Variants in FRMD6 observed in about 807,000 individuals in gnomAD.
FRMD6 encodes FERM domain containing 6, also known as FERM domain-containing protein 6.
A neutral mutation model predicts 73.2 loss-of-function variants in FRMD6; 37 were observed. The observed-to-expected ratio is 0.51, with a 90% CI of 0.39 to 0.66. The LOEUF (loss-of-function observed/expected upper bound fraction) is 0.66, where lower values mean the gene tolerates loss of function less well. Among genes scored for constraint, FRMD6 ranks in the 30% least tolerant of loss-of-function variants. The pLI, the probability that FRMD6 is intolerant of heterozygous loss-of-function variation, is 0.00. For missense variants in FRMD6, 714 were observed against 780.5 expected, an observed-to-expected ratio of 0.91 and a Z score of 1.02; for synonymous variants, 273 against 282.2, an observed-to-expected ratio of 0.97 and a Z score of 0.33.
the FRMD6 span, among the ~76,000 whole-genome samples, chr14:51,459,884 C>CTTTTTTTTTTTTTTTTTTTTTTTTTTT: frequency 1.3e-5 from 1 of 74,650 alleles, no homozygotes; most frequent in African/African-American, 5.8e-5. Context: ...TACTGACTCT[C>CTTTTTTTTTTTTTTTTTTTTTTTTTTT]TTTTTTTTTT....
chr14:51,573,424 G>A (rs1303593841), intron 2 of FRMD6, among the ~76,000 whole-genome samples: 1 of 152,130 alleles, frequency 6.6e-6, no homozygotes, highest in African/African-American at 2.4e-5. Flanking sequence ...AGGAAAGAAG[G>A]GTGAAAAGGG....
At chr14:51,412,990 A>ATTTTTTTT in the FRMD6 span, among the ~76,000 whole-genome samples, 677 of 134,060 alleles carry the variant, frequency 5.0e-3, 6 homozygotes, top group African/African-American at 0.018. Context: ...CCATAGTTAA[A>ATTTTTTTT]TTTTTTTTTT....
intron 2 of FRMD6, among the ~76,000 whole-genome samples, chr14:51,576,894 A>G (rs760474259): frequency 6.6e-6 from 1 of 152,122 alleles, no homozygotes; most frequent in African/African-American, 2.4e-5. Context: ...TCTCTCTTTG[A>G]GCCTCTCCTG....
chr14:51,616,124 G>A (rs1237800751), intron 2 of FRMD6, among the ~76,000 whole-genome samples: 1 of 152,196 alleles, frequency 6.6e-6, no homozygotes, highest in African/African-American at 2.4e-5. Flanking sequence ...GGTTGGGGGT[G>A]GATGTAGAAA....
At chr14:51,460,141 A>C in the FRMD6 span, among the ~76,000 whole-genome samples, 2 of 152,144 alleles carry the variant, frequency 1.3e-5, no homozygotes, top group Non-Finnish European at 2.9e-5. Context: ...TATATGCCAG[A>C]AATTATAACA....
chr14:51,704,666 T>A, intron 5 of FRMD6, 83 bp from the exon 6 acceptor site: 1 of 1,123,194 alleles, frequency 8.9e-7, no homozygotes, highest in South Asian at 1.5e-5. Flanking sequence ...TGTCACCAGA[T>A]GGAGAGAAGG....
At chr14:51,625,112 C>A (rs1175588284) in intron 2 of FRMD6, among the ~76,000 whole-genome samples, 1 of 152,180 alleles carries the variant, frequency 6.6e-6, no homozygotes, top group East Asian at 1.9e-4. Context: ...TTACTGCCCA[C>A]TTTGTCTTCA....
the FRMD6 span, among the ~76,000 whole-genome samples, chr14:51,433,415 C>A: frequency 6.6e-6 from 1 of 152,092 alleles, no homozygotes; most frequent in African/African-American, 2.4e-5. Context: ...CCCGGACATA[C>A]TTTTAAGTGA....
chr14:51,550,587 C>T lies in FRMD6; in HGVS notation c.-209-19761C>T, dbSNP rs563642727. ...AGGGCAGCTTGGGAGGAGACCCCCCCGCCATGCTTATAGCTTGAATGGATT... is the reference window on the plus strand; with the variant it reads ...AGGGCAGCTTGGGAGGAGACCCCCCTGCCATGCTTATAGCTTGAATGGATT... On this transcript the variant is annotated intron_variant, in intron 1 of 14. Coordinates refer to the FRMD6 transcript ENST00000356218. Among the ~76,000 whole-genome samples, 4 of 147,826 alleles carry T rather than the reference C, an allele frequency of 2.7e-5. No individual in the cohort carries two copies. In the East Asian group the frequency reaches 6.1e-4, roughly 22 times the overall value.
chr14:51,427,736 C>T, the FRMD6 span, among the ~76,000 whole-genome samples: 2 of 152,182 alleles, frequency 1.3e-5, no homozygotes, highest in African/African-American at 4.8e-5. Context: ...TTAGCTTGTG[C>T]TGTCTTGTGA....
chr14:51,613,468 T>C (rs1890591952), intron 2 of FRMD6, among the ~76,000 whole-genome samples: 1 of 152,160 alleles, frequency 6.6e-6, no homozygotes, highest in Non-Finnish European at 1.5e-5. Context: ...TTGAGCAGAT[T>C]TGTGGATATG....
chr14:51,451,118 AG>A, the FRMD6 span, among the ~76,000 whole-genome samples: 1 of 152,238 alleles, frequency 6.6e-6, no homozygotes, highest in African/African-American at 2.4e-5. Flanking sequence ...TGCCAGGAAA[AG>A]GTCACAGCAA....
At position 51,730,365 on chromosome 14, in the gene FRMD6, A is replaced by T. The variant is rs2140747130; in HGVS notation, c.*2336A>T. Reference sequence around the variant, plus strand: ...TTTTTGATCCACTGTTTGCAGCAGAATTATATATATGTATAGGAAAAATCC... The same window carrying T: ...TTTTTGATCCACTGTTTGCAGCAGATTTATATATATGTATAGGAAAAATCC... On this transcript the variant is annotated 3_prime_UTR_variant, in exon 14 of 14. Coordinates refer to ENST00000344768, the MANE Select transcript of FRMD6 (RefSeq NM_001267046.2). 6.6e-6 allele frequency: 1 copy of T among 152,370 alleles called. No individual in the cohort carries two copies. The highest frequency in any genetic ancestry group is 6.5e-5 in the Admixed American group (1 of 15,310). 9.4% of individuals were successfully genotyped at this position (152,370 alleles called of 1,614,324 possible).
At chr14:51,708,478 G>A (rs1896759978) in intron 7 of FRMD6, 1 of 332,156 alleles carries the variant, frequency 3.0e-6, no homozygotes, top group Admixed American at 4.6e-5. Flanking sequence ...ATGACAATTG[G>A]CTATAAGATG....
intron 1 of FRMD6, among the ~76,000 whole-genome samples, chr14:51,493,402 T>C (rs1053132827): frequency 2.6e-5 from 4 of 152,134 alleles, no homozygotes; most frequent in Non-Finnish European, 2.9e-5. Context: ...AATTGAATCA[T>C]GAGGGTGGGT....
At chr14:51,587,706 T>C (rs189033886) in intron 2 of FRMD6, among the ~76,000 whole-genome samples, 2 of 152,278 alleles carry the variant, frequency 1.3e-5, no homozygotes, top group East Asian at 1.9e-4. Context: ...GTTTATGGGG[T>C]TGTGCAGACC....
chr14:51,717,881 G>T (rs1448972185), intron 10 of FRMD6, among the ~76,000 whole-genome samples: 1 of 152,142 alleles, frequency 6.6e-6, no homozygotes, highest in East Asian at 1.9e-4. Flanking sequence ...ACAAAAACAT[G>T]CCTTGCGTCA....
At chr14:51,664,310 G>A (rs140684537) in intron 1 of FRMD6, among the ~76,000 whole-genome samples, 288 of 152,302 alleles carry the variant, frequency 1.9e-3, no homozygotes, top group Middle Eastern at 3.4e-3. Flanking sequence ...TTCAAAGCAT[G>A]TGATTAAGCA....
intron 12 of FRMD6, among the ~76,000 whole-genome samples, chr14:51,723,091 C>T (rs1282877779): frequency 6.6e-6 from 1 of 152,256 alleles, no homozygotes; most frequent in East Asian, 1.9e-4. Context: ...CTCTGACCAA[C>T]ACTGACTCAT....
Sources: gnomAD v4.1 joint callset for allele counts (sites outside exome capture counted in the v4.1 genomes callset) on GRCh38, gnomAD v4.1.1 for gene constraint, MANE v1.5 for transcripts, NCBI Gene and HGNC (gene_info 2026-07-23, HGNC 2026-07-21) for gene names.